RBFOX3: variants seen among roughly 807,000 people sequenced by gnomAD.
RBFOX3 encodes the protein RNA binding fox-1 homolog 3.
RBFOX3 carries 17 observed loss-of-function variants against 48.7 expected under a neutral mutation model. The observed-to-expected ratio is 0.35, with a 90% CI of 0.24 to 0.52. The LOEUF is 0.52. Among genes scored for constraint, RBFOX3 ranks in the 20% least tolerant of loss-of-function variants. RBFOX3 has a pLI of 0.94. For missense variants in RBFOX3, 382 were observed against 497.5 expected, an observed-to-expected ratio of 0.77 and a Z score of 2.21; for synonymous variants, 212 against 209.5, an observed-to-expected ratio of 1.01 and a Z score of -0.10.
In RBFOX3 at chr17:79,148,777, G is replaced by A. The variant is rs567072615; in HGVS notation, c.-33-33029C>T. Among the ~76,000 whole-genome samples the A allele has an allele frequency of 5.3e-5, 8 of 152,288 alleles. No homozygotes were observed. The East Asian group carries it at 7.7e-4, about 15-fold the overall frequency. On this transcript the variant is annotated intron_variant, in intron 4 of 14. Transcript: ENST00000693108. Reference sequence around the variant, plus strand: ...GACGCAGGGGAGGGAGGCCGACCCCGCCGGGGCTCCCTGCAGCCTCCGAGG... The same window carrying A: ...GACGCAGGGGAGGGAGGCCGACCCCACCGGGGCTCCCTGCAGCCTCCGAGG...
At chr17:79,601,120 G>A (rs1294070657) in intron 1 of RBFOX3, 4 of 152,384 alleles carry the variant, frequency 2.6e-5, no homozygotes, top group Admixed American at 2.0e-4. Context: ...GCCCCGGCTG[G>A]GGCGTCTACA....
Position 79,106,779 on chromosome 17 carries a change from C to T in RBFOX3, c.232G>A (p.Glu78Lys), listed in dbSNP as rs1032718998. 1.7e-5 allele frequency: 26 copies of T among 1,519,758 alleles called. No individual in the cohort carries two copies. Among genetic ancestry groups the T allele is most frequent in the African/African-American group, 5.6e-5 (4 of 70,918 alleles). The allele number at this position is 1,519,758 out of a possible 1,614,324, so 94.1% of individuals were successfully genotyped here. ...AGTQTVPQTD[E>K]AAQTDSQPLH... ...GGCTGGCTGTCCGTCTGTGCCGCCT[C>T]GTCTGTCTGCTGCAGGGAGAGGACT... Residue 78 changes from glutamate (E) to lysine (K), a missense_variant, in exon 6 of 15, where the codon GAG (glutamate) becomes AAG (lysine). Glu to Lys is a moderately conservative substitution (Grantham distance 56). Coordinates refer to ENST00000693108, the MANE Select transcript of RBFOX3 (RefSeq NM_001350451.2).
At chr17:79,469,489 C>T (rs1436303248) in intron 2 of RBFOX3, among the ~76,000 whole-genome samples, 3 of 152,200 alleles carry the variant, frequency 2.0e-5, no homozygotes, top group African/African-American at 7.2e-5. Flanking sequence ...CTGCCCTGTG[C>T]CTACATTCCC....
chr17:79,234,471 A>C (rs1217909683), intron 4 of RBFOX3: 1 of 152,092 alleles, frequency 6.6e-6, no homozygotes, highest in African/African-American at 2.4e-5. Flanking sequence ...GCTGAAGAAG[A>C]CTTCATACGC....
intron 4 of RBFOX3, among the ~76,000 whole-genome samples, chr17:79,119,224 A>G (rs1482855916): frequency 6.6e-6 from 1 of 152,208 alleles, no homozygotes; most frequent in Non-Finnish European, 1.5e-5. Flanking sequence ...AGTAGGTGCC[A>G]GATCTGAGGG....
chr17:79,625,164 C>T, the RBFOX3 span, among the ~76,000 whole-genome samples: 1 of 152,196 alleles, frequency 6.6e-6, no homozygotes, highest in Non-Finnish European at 1.5e-5. Flanking sequence ...CCTCCTCCCT[C>T]TCCCTGTATT....
intron 5 of RBFOX3, among the ~76,000 whole-genome samples, chr17:79,108,703 G>C (rs1226495485): frequency 6.6e-6 from 1 of 152,262 alleles, no homozygotes; most frequent in Non-Finnish European, 1.5e-5. Context: ...CTGCTCCCCT[G>C]CATTTCCGCA....
At chr17:79,484,411 G>A (rs1324849073) in intron 1 of RBFOX3, among the ~76,000 whole-genome samples, 2 of 152,166 alleles carry the variant, frequency 1.3e-5, no homozygotes, top group Non-Finnish European at 2.9e-5. Context: ...AAAAGTGTAA[G>A]TAATAGGAAC....
the RBFOX3 span, among the ~76,000 whole-genome samples, chr17:79,651,394 G>A: frequency 0.024 from 3,611 of 152,208 alleles, 160 homozygotes; most frequent in African/African-American, 0.083. Context: ...CAACAGACAG[G>A]GGAAGATGCG....
At chr17:79,283,110 C>G (rs186940589) in intron 3 of RBFOX3, among the ~76,000 whole-genome samples, 3 of 152,174 alleles carry the variant, frequency 2.0e-5, no homozygotes, top group Admixed American at 6.5e-5. Context: ...GGGAAGAAAA[C>G]GCTTGCTAAA....
chr17:79,164,274 G>A (rs1047309897), intron 4 of RBFOX3, among the ~76,000 whole-genome samples: 1 of 152,230 alleles, frequency 6.6e-6, no homozygotes, highest in African/African-American at 2.4e-5. Flanking sequence ...AGGAGTCCAA[G>A]GTTAGGGCAT....
chr17:79,276,386 A>T (rs915258920), intron 3 of RBFOX3, among the ~76,000 whole-genome samples: 6 of 152,018 alleles, frequency 3.9e-5, no homozygotes, highest in African/African-American at 1.5e-4. Flanking sequence ...CTGCTTTTTT[A>T]AAAAAATAAT....
Position 79,584,620 on chromosome 17 carries a change from C to T in RBFOX3, c.-320+26206G>A, listed in dbSNP as rs990732440. ...AGGAACAAAATAATGGCATTCACAG[C>T]GACGTGGATGGAACTGGAGACTATT... is the stretch of plus-strand genomic sequence containing the variant. On this transcript the variant is annotated intron_variant, in intron 1 of 14. Coordinates refer to ENST00000693108, the MANE Select transcript of RBFOX3 (RefSeq NM_001350451.2). Among the ~76,000 whole-genome samples, 101 of 152,000 alleles carry T rather than the reference C, an allele frequency of 6.6e-4. 3 individuals carry two copies. The South Asian group carries it at 0.018, about 27-fold the overall frequency.
At position 79,096,766 on chromosome 17, in the gene RBFOX3, G is replaced by C; in HGVS notation, c.823C>G (p.Pro275Ala). ...WAGLAPCPLP[P>A]QQTPEPAYPT... ...TAGGCCGGCTCCGGTGTCTGCTGAGGAGGGAGGGGGCACGGTGCCAGCCCC... is the reference window on the plus strand; with the variant it reads ...TAGGCCGGCTCCGGTGTCTGCTGAGCAGGGAGGGGGCACGGTGCCAGCCCC... Residue 275 changes from proline (P) to alanine (A), a missense_variant, in exon 12 of 15, where the codon CCT becomes GCT. Physicochemically the swap from Pro to Ala is conservative, Grantham distance 27. Transcript: ENST00000693108. 4 of 1,372,114 alleles carry C rather than the reference G, an allele frequency of 2.9e-6. No homozygotes were observed. In the South Asian group the frequency reaches 5.0e-5, roughly 17 times the overall value. 85.0% of individuals were successfully genotyped at this position (1,372,114 alleles called of 1,614,324 possible).
intron 1 of RBFOX3, among the ~76,000 whole-genome samples, chr17:79,555,997 C>A (rs1237300605): frequency 6.6e-6 from 1 of 152,078 alleles, no homozygotes; most frequent in African/African-American, 2.4e-5. Flanking sequence ...TGAAGACAGG[C>A]CCCATTGGAA....
At position 79,172,861 on chromosome 17, in the gene RBFOX3, G is replaced by C. The variant is rs556020810; in HGVS notation, c.-33-57113C>G. 2.6e-5 allele frequency among the ~76,000 whole-genome samples: 4 copies of C among 152,312 alleles called. No homozygotes were observed. The South Asian group carries it at 8.3e-4, about 32-fold the overall frequency. ...GGGGATAAGATTTGAGCTATGCTGG[G>C]TTAAACAAAATGTATGATTGAAATT... On this transcript the variant is annotated intron_variant, in intron 4 of 14. Coordinates refer to ENST00000693108, the MANE Select transcript of RBFOX3 (RefSeq NM_001350451.2).
At chr17:79,448,861 C>T (rs2072897466) in intron 2 of RBFOX3, among the ~76,000 whole-genome samples, 3 of 152,180 alleles carry the variant, frequency 2.0e-5, no homozygotes, top group Admixed American at 6.5e-5. Context: ...GAAGGGAAAA[C>T]AGCCCCCAGA....
chr17:79,312,432 TAGGC>T lies in RBFOX3; in HGVS notation c.-174-4612_-174-4609del, dbSNP rs143178623. Among the ~76,000 whole-genome samples the T allele has an allele frequency of 6.0e-3, 908 of 152,016 alleles. 8 individuals are homozygous for T. Among genetic ancestry groups the T allele is most frequent in the African/African-American group, 0.021 (861 of 41,446 alleles). ...GCACTTTTGATGGGATGAGGTGTGG[TAGGC>T]AGGAGGCAGGCCACCAGATGCACTG... On this transcript the variant is annotated intron_variant, in intron 2 of 14. Transcript: ENST00000693108.
intron 3 of RBFOX3, among the ~76,000 whole-genome samples, chr17:79,281,043 C>T (rs1335014079): frequency 2.6e-5 from 4 of 152,252 alleles, no homozygotes; most frequent in South Asian, 2.1e-4. Flanking sequence ...ATCACCCCCA[C>T]TGGCAGGTGG....
Sources: gnomAD v4.1 joint callset for allele counts (sites outside exome capture counted in the v4.1 genomes callset) on GRCh38, gnomAD v4.1.1 for gene constraint, MANE v1.5 for transcripts, NCBI Gene and HGNC (gene_info 2026-07-23, HGNC 2026-07-21) for gene names.